KDM4C: variants seen among roughly 807,000 people sequenced by gnomAD.
The protein encoded by KDM4C is lysine-specific demethylase 4C.
KDM4C carries 81 observed loss-of-function variants against 129.3 expected under a neutral mutation model. That is an observed-to-expected ratio of 0.63 (90% confidence interval 0.52 to 0.75). KDM4C has a LOEUF of 0.75. Ranked by LOEUF, KDM4C falls within the 30% of genes least tolerant of loss-of-function variation. The pLI is 0.00. For missense variants in KDM4C, 1,457 were observed against 1,304.0 expected, an observed-to-expected ratio of 1.12 and a Z score of -1.81; for synonymous variants, 573 against 456.1, an observed-to-expected ratio of 1.26 and a Z score of -3.26.
intron 17 of KDM4C, among the ~76,000 whole-genome samples, chr9:7,079,370 C>A (rs1343483707): frequency 6.6e-6 from 1 of 152,184 alleles, no homozygotes; most frequent in Non-Finnish European, 1.5e-5. Context: ...GTTGCCCAGG[C>A]TGGAATGTAG....
At chr9:6,859,657 T>C (rs1247012011) in intron 5 of KDM4C, among the ~76,000 whole-genome samples, 1 of 149,572 alleles carries the variant, frequency 6.7e-6, no homozygotes, top group Non-Finnish European at 1.5e-5. Flanking sequence ...GATCCGGAGA[T>C]CGAAACCATC....
intron 17 of KDM4C, among the ~76,000 whole-genome samples, chr9:7,069,015 A>G (rs1432033639): frequency 1.3e-5 from 2 of 151,868 alleles, no homozygotes; most frequent in African/African-American, 4.8e-5. Context: ...CCTACTTTCT[A>G]TCCGAACCTT....
chr9:6,888,787 T>TATTTGAC (rs1292716904), intron 7 of KDM4C, among the ~76,000 whole-genome samples: 1 of 117,404 alleles, frequency 8.5e-6, no homozygotes, highest in African/African-American at 3.6e-5. Flanking sequence ...CTGTGTTTTT[T>TATTTGAC]TTTTTTTTTT....
intron 19 of KDM4C, among the ~76,000 whole-genome samples, chr9:7,142,899 C>T (rs1841897744): frequency 6.6e-6 from 1 of 152,066 alleles, no homozygotes; most frequent in Non-Finnish European, 1.5e-5. Context: ...CATTTGAATG[C>T]ACCTGGCATC....
At chr9:7,061,163 T>G (rs1487542614) in intron 17 of KDM4C, among the ~76,000 whole-genome samples, 1 of 152,184 alleles carries the variant, frequency 6.6e-6, no homozygotes, top group Non-Finnish European at 1.5e-5. Context: ...GTGTCCTTCT[T>G]CTCCCTCCAG....
intron 4 of KDM4C, among the ~76,000 whole-genome samples, chr9:6,828,827 C>T (rs558393736): frequency 1.3e-5 from 2 of 152,100 alleles, no homozygotes; most frequent in South Asian, 2.1e-4. Context: ...GCCGAGATGG[C>T]GCCATTGCAC....
intron 1 of KDM4C, among the ~76,000 whole-genome samples, chr9:6,725,919 TTTTC>T (rs146389653): frequency 0.023 from 3,176 of 137,664 alleles, 133 homozygotes; most frequent in African/African-American, 0.078. Flanking sequence ...CTTTCTTTTC[TTTTC>T]TTTCTTTATT....
At chr9:6,846,862 T>TTATTTTCATTTATTAA (rs1454117068) in intron 4 of KDM4C, among the ~76,000 whole-genome samples, 5 of 152,186 alleles carry the variant, frequency 3.3e-5, no homozygotes, top group Non-Finnish European at 7.3e-5. Flanking sequence ...TTATTTTCAT[T>TTATTTTCATTTATTAA]AGCTTATTTA....
At chr9:6,981,713 G>A (rs1039128419) in intron 9 of KDM4C, 3 of 172,770 alleles carry the variant, frequency 1.7e-5, no homozygotes, top group Non-Finnish European at 2.8e-5. Flanking sequence ...GCATCTTGTT[G>A]TTTTAAAACC....
chr9:7,122,265 A>ACACTCTCTCT (rs375655422), intron 18 of KDM4C, among the ~76,000 whole-genome samples: 14 of 144,714 alleles, frequency 9.7e-5, no homozygotes, highest in African/African-American at 3.6e-4. Context: ...ACACACACAC[A>ACACTCTCTCT]CTCTCTCTCT....
At chr9:6,810,872 C>CA (rs923320754) in intron 3 of KDM4C, among the ~76,000 whole-genome samples, 3 of 151,388 alleles carry the variant, frequency 2.0e-5, no homozygotes, top group Middle Eastern at 3.4e-3. Context: ...ACCCTGTCTC[C>CA]AAAAAAATAA....
At chr9:7,104,761 G>C (rs1837488046) in intron 18 of KDM4C, among the ~76,000 whole-genome samples, 2 of 152,200 alleles carry the variant, frequency 1.3e-5, no homozygotes, top group African/African-American at 4.8e-5. Context: ...TTGGCCACAG[G>C]CTATTAGCAG....
Position 7,128,182 on chromosome 9 carries a change from G to A in KDM4C, c.2727G>A (p.Glu909=). 6.2e-7 allele frequency: 1 copy of A among 1,610,566 alleles called. No individual in the cohort carries two copies. Among genetic ancestry groups the A allele is most frequent in the Non-Finnish European group, 8.5e-7 (1 of 1,178,556 alleles). Residue 909 remains glutamate, a synonymous_variant, in exon 19 of 22, where the codon GAG becomes GAA. Transcript: ENST00000381309. The part of the protein sequence containing the change: ...VMAVTSQTFY[E]VMFDDGSFSR... ...CTGTGACATCGCAGACCTTCTATGA[G>A]GTCATGTTTGATGATGGCTCCTTTA...
At chr9:7,021,538 G>C (rs1824863300) in intron 15 of KDM4C, among the ~76,000 whole-genome samples, 1 of 152,118 alleles carries the variant, frequency 6.6e-6, no homozygotes, top group South Asian at 2.1e-4. Context: ...TAGTGTTTGA[G>C]TTCCTTTTAT....
At chr9:6,777,155 G>C (rs1823255509) in intron 1 of KDM4C, among the ~76,000 whole-genome samples, 1 of 152,100 alleles carries the variant, frequency 6.6e-6, no homozygotes, top group Non-Finnish European at 1.5e-5. Context: ...ATTTCCTTTG[G>C]ATTTTGGTCA....
chr9:7,076,694 T>G, intron 17 of KDM4C: 3 of 1,252,076 alleles, frequency 2.4e-6, no homozygotes, highest in Non-Finnish European at 3.0e-6. Flanking sequence ...TTGTGTTTAA[T>G]TTTTTTAAAT....
chr9:7,149,828 T>G (rs1842567919), intron 19 of KDM4C, among the ~76,000 whole-genome samples: 1 of 152,200 alleles, frequency 6.6e-6, no homozygotes, highest in Admixed American at 6.5e-5. Context: ...ACCCTACATC[T>G]TCCATACCTT....
intron 2 of KDM4C, among the ~76,000 whole-genome samples, chr9:6,801,992 C>T (rs764702236): frequency 1.3e-5 from 2 of 151,818 alleles, no homozygotes; most frequent in African/African-American, 4.8e-5. Context: ...GTAATCCCAG[C>T]CACTAGGGAG....
intron 19 of KDM4C, among the ~76,000 whole-genome samples, chr9:7,145,592 G>C (rs554447182): frequency 2.0e-5 from 3 of 152,312 alleles, no homozygotes; most frequent in African/African-American, 7.2e-5. Flanking sequence ...ATTCTGGAAC[G>C]CTGCAAATGA....
Sources: allele counts gnomAD v4.1 joint callset (sites outside exome capture counted in the v4.1 genomes callset), GRCh38; gene constraint gnomAD v4.1.1; transcripts MANE v1.5; gene names NCBI Gene and HGNC (gene_info 2026-07-23, HGNC 2026-07-21).